The following KCNB2 variants were observed in gnomAD, a reference collection of about 807,000 sequenced individuals.
The protein encoded by KCNB2 is delayed rectifier potassium channel protein.
KCNB2 carries 15 observed loss-of-function variants against 61.5 expected under a neutral mutation model. That is an observed-to-expected ratio of 0.24 (90% confidence interval 0.16 to 0.38). KCNB2 has a LOEUF of 0.38. KCNB2 is among the 10% of genes least tolerant of loss of function. The pLI is 1.00. For synonymous variants in KCNB2, 457 were observed against 446.0 expected (o/e 1.02, Z -0.31); for missense variants, 828 against 1,125.2 (o/e 0.74, Z 3.78).
intron 2 of KCNB2, among the ~76,000 whole-genome samples, chr8:72,690,290 T>G (rs1320098234): frequency 2.6e-5 from 4 of 152,178 alleles, no homozygotes; most frequent in Non-Finnish European, 5.9e-5. Context: ...AGAGCAACCA[T>G]ATGATTCCAT....
In KCNB2 at chr8:72,905,939, C is replaced by T. The variant is rs181700822; in HGVS notation, c.580-29996C>T. ...GTTTAGAATCCCTCAGGGTCACTGC[C>T]CATAGCAGGGACAATTTCAAGCCAA... On this transcript the variant is annotated intron_variant, in intron 2 of 2. Coordinates refer to ENST00000523207, the MANE Select transcript of KCNB2 (RefSeq NM_004770.3). Among the ~76,000 whole-genome samples, 8 of 152,218 alleles carry T rather than the reference C, an allele frequency of 5.3e-5. No individual in the cohort carries two copies. In the East Asian group the frequency reaches 1.5e-3, roughly 29 times the overall value.
At chr8:72,640,070 G>A (rs568356987) in intron 2 of KCNB2, among the ~76,000 whole-genome samples, 23 of 152,056 alleles carry the variant, frequency 1.5e-4, no homozygotes, top group Non-Finnish European at 2.9e-4. Context: ...TATAGCCCAA[G>A]ATGGTATGGG....
intron 2 of KCNB2, among the ~76,000 whole-genome samples, chr8:72,659,761 G>A (rs945557956): frequency 6.6e-6 from 1 of 152,200 alleles, no homozygotes; most frequent in Non-Finnish European, 1.5e-5. Flanking sequence ...AAAACTCATT[G>A]AAGGCTCAGA....
chr8:72,785,192 A>C (rs978547453), intron 2 of KCNB2, among the ~76,000 whole-genome samples: 4 of 152,232 alleles, frequency 2.6e-5, no homozygotes, highest in Admixed American at 6.5e-5. Flanking sequence ...ACCCCATTTT[A>C]GAAATTAATT....
intron 2 of KCNB2, among the ~76,000 whole-genome samples, chr8:72,716,854 A>G (rs563153356): frequency 5.3e-5 from 8 of 152,042 alleles, no homozygotes; most frequent in Admixed American, 3.9e-4. Flanking sequence ...ATTCAATTAG[A>G]AAAAGAGGAA....
rs565462422 is a variant in KCNB2 at position 72,767,876 on chromosome 8, T to C, written c.580-168059T>C. Among the ~76,000 whole-genome samples the C allele has an allele frequency of 1.1e-4, 16 of 152,320 alleles. No individual in the cohort carries two copies. In the South Asian group the frequency reaches 3.1e-3, roughly 30 times the overall value. On this transcript the variant is annotated intron_variant, in intron 2 of 2. Coordinates refer to ENST00000523207, the MANE Select transcript of KCNB2 (RefSeq NM_004770.3). ...AGTTTCTCCACACCCTTGCCAACTC[T>C]TGTTAGTATTTGTCTTTTTTATTAT...
chr8:72,581,538 T>C (rs1012050455), intron 2 of KCNB2, among the ~76,000 whole-genome samples: 2 of 152,244 alleles, frequency 1.3e-5, no homozygotes, highest in African/African-American at 4.8e-5. Flanking sequence ...TGTTTCACAG[T>C]ATTCCTATTT....
intron 2 of KCNB2, among the ~76,000 whole-genome samples, chr8:72,922,513 G>C (rs758596128): frequency 6.6e-6 from 1 of 152,140 alleles, no homozygotes; most frequent in Non-Finnish European, 1.5e-5. Flanking sequence ...GAAGATTCAG[G>C]GTTTGGTAAG....
chr8:72,882,113 G>A (rs1368990922), intron 2 of KCNB2, among the ~76,000 whole-genome samples: 1 of 152,086 alleles, frequency 6.6e-6, no homozygotes. Flanking sequence ...AAGTGATCAG[G>A]TGTTATTTAG....
chr8:72,619,561 T>A (rs545979802), intron 2 of KCNB2, among the ~76,000 whole-genome samples: 1 of 151,084 alleles, frequency 6.6e-6, no homozygotes, highest in East Asian at 2.0e-4. Flanking sequence ...CACAGCAACC[T>A]GCACCTCTTT....
chr8:72,840,214 T>C (rs1213820298), intron 2 of KCNB2, among the ~76,000 whole-genome samples: 3 of 152,200 alleles, frequency 2.0e-5, no homozygotes, highest in Non-Finnish European at 4.4e-5. Flanking sequence ...TCCACCTTCA[T>C]TCATGTCCCT....
intron 2 of KCNB2, among the ~76,000 whole-genome samples, chr8:72,676,932 T>A (rs1405900059): frequency 6.6e-6 from 1 of 152,120 alleles, no homozygotes; most frequent in Non-Finnish European, 1.5e-5. Context: ...CCCCCACCCC[T>A]GCCAAATTCA....
chr8:72,612,702 G>A (rs949678751), intron 2 of KCNB2, among the ~76,000 whole-genome samples: 4 of 152,140 alleles, frequency 2.6e-5, no homozygotes, highest in African/African-American at 9.7e-5. Context: ...TGGGCTTTGT[G>A]GAGGTAAAAT....
intron 2 of KCNB2, among the ~76,000 whole-genome samples, chr8:72,657,615 A>G (rs1806311971): frequency 2.0e-5 from 3 of 152,160 alleles, no homozygotes. Context: ...TAAGAAATAC[A>G]ATTCTATCCA....
In KCNB2 at chr8:72,642,960, A is replaced by G. The variant is rs147294534; in HGVS notation, c.579+74647A>G. 6.0e-3 allele frequency among the ~76,000 whole-genome samples: 917 copies of G among 152,294 alleles called. 5 individuals carry two copies. Among genetic ancestry groups the G allele is most frequent in the Non-Finnish European group, 8.7e-3 (592 of 68,010 alleles). ...CTTTTAGCCTTGTCAAGAAATAGCT[A>G]TTTTAACTTTCAGATAGATAGCTTT... On this transcript the variant is annotated intron_variant, in intron 2 of 2. Transcript: ENST00000523207.
At chr8:72,790,743 T>C (rs574917298) in intron 2 of KCNB2, among the ~76,000 whole-genome samples, 121 of 152,310 alleles carry the variant, frequency 7.9e-4, no homozygotes, top group African/African-American at 2.9e-3. Flanking sequence ...TTTTAAAGTT[T>C]TCATTTGCTA....
At chr8:72,610,183 C>G (rs1805515899) in intron 2 of KCNB2, among the ~76,000 whole-genome samples, 2 of 152,138 alleles carry the variant, frequency 1.3e-5, no homozygotes, top group Admixed American at 6.5e-5. Context: ...GATAATGACT[C>G]TTAAAGCTCT....
At chr8:72,719,376 A>G (rs1433332790) in intron 2 of KCNB2, among the ~76,000 whole-genome samples, 1 of 152,178 alleles carries the variant, frequency 6.6e-6, no homozygotes, top group African/African-American at 2.4e-5. Context: ...CTTGGGGACA[A>G]CAAGCATAAA....
chr8:72,713,410 C>A (rs190737449), intron 2 of KCNB2, among the ~76,000 whole-genome samples: 29 of 152,314 alleles, frequency 1.9e-4, no homozygotes, highest in African/African-American at 6.5e-4. Flanking sequence ...AGGCACCCCC[C>A]ACTAGGGGCC....
Sources: allele counts gnomAD v4.1 joint callset (sites outside exome capture counted in the v4.1 genomes callset), GRCh38; gene constraint gnomAD v4.1.1; transcripts MANE v1.5; gene names NCBI Gene and HGNC (gene_info 2026-07-23, HGNC 2026-07-21).